TGS1: variants seen among roughly 807,000 people sequenced by gnomAD.
TGS1 encodes trimethylguanosine synthase.
In TGS1, 69 loss-of-function variants were observed where a neutral mutation model predicts 92.2. That is an observed-to-expected ratio of 0.75 (90% CI 0.62 to 0.91). The LOEUF (loss-of-function observed/expected upper bound fraction) is 0.91. TGS1 is among the 40% of genes least tolerant of loss of function. The pLI, the probability that TGS1 is intolerant of heterozygous loss-of-function variation, is 0.00. For synonymous variants in TGS1, 345 were observed against 338.1 expected (o/e 1.02, Z -0.22); for missense variants, 1,062 against 1,001.2 (o/e 1.06, Z -0.82).
chr8:55,799,991 C>T (rs1043838127), intron 8 of TGS1, among the ~76,000 whole-genome samples: 1 of 152,160 alleles, frequency 6.6e-6, no homozygotes, highest in African/African-American at 2.4e-5. Flanking sequence ...AATGAATAAA[C>T]TGAGTAACAT....
chr8:55,796,985 T>C (rs1470526930), intron 7 of TGS1, among the ~76,000 whole-genome samples: 3 of 151,002 alleles, frequency 2.0e-5, no homozygotes, highest in Admixed American at 2.0e-4. Context: ...AGTAAGACTG[T>C]CTCAAAAAAA....
chr8:55,799,110 G>A lies in TGS1; in HGVS notation c.1739G>A (p.Gly580Asp). Residue 580 changes from glycine (G) to aspartate (D), a missense_variant, in exon 8 of 13, where the codon GGT becomes GAT. Physicochemically the swap from Gly to Asp is moderately conservative, Grantham distance 94. Transcript: ENST00000260129. ...PEKCQSVSSA[G>D]ELETENYERD... Reference sequence around the variant, plus strand: ...AAGTGTCAGAGCGTATCTTCAGCTGGTGAACTTGAAACAGAAAACTATGAA... The same window carrying A: ...AAGTGTCAGAGCGTATCTTCAGCTGATGAACTTGAAACAGAAAACTATGAA... 1 of 1,614,144 alleles carries A rather than the reference G, an allele frequency of 6.2e-7. No individual in the cohort carries two copies. Among genetic ancestry groups the A allele is most frequent in the Non-Finnish European group, 8.5e-7 (1 of 1,180,022 alleles).
intron 12 of TGS1, among the ~76,000 whole-genome samples, chr8:55,822,366 G>A (rs7829716): frequency 0.066 from 10,044 of 151,954 alleles, 661 homozygotes; most frequent in African/African-American, 0.17. Context: ...CACAGCGCCC[G>A]GCCTAAAAAT....
At chr8:55,810,810 G>T in intron 10 of TGS1, 71 bp from the exon 11 acceptor site, 7 of 1,311,566 alleles carry the variant, frequency 5.3e-6, no homozygotes, top group South Asian at 4.9e-5. Context: ...CAGACTATTC[G>T]AAAGACAAAC....
chr8:55,817,268 C>T (rs1480442317), intron 12 of TGS1, among the ~76,000 whole-genome samples: 1 of 152,030 alleles, frequency 6.6e-6, no homozygotes, highest in Non-Finnish European at 1.5e-5. Flanking sequence ...ACAGTCACTT[C>T]TAATACTTTA....
intron 12 of TGS1, among the ~76,000 whole-genome samples, chr8:55,819,747 A>T (rs999613403): frequency 6.6e-6 from 1 of 152,206 alleles, no homozygotes; most frequent in East Asian, 1.9e-4. Flanking sequence ...AGTTTGAATG[A>T]TGCCTGATTT....
intron 9 of TGS1, among the ~76,000 whole-genome samples, chr8:55,803,960 A>G (rs957589717): frequency 1.3e-5 from 2 of 152,122 alleles, no homozygotes; most frequent in Non-Finnish European, 2.9e-5. Flanking sequence ...TTTTGTTCAG[A>G]TAATTGTCTT....
chr8:55,796,622 A>T (rs1812058888), intron 7 of TGS1, among the ~76,000 whole-genome samples: 1 of 151,986 alleles, frequency 6.6e-6, no homozygotes, highest in Admixed American at 6.6e-5. Flanking sequence ...CGGGAGGCGA[A>T]GGTTGCAGTG....
At chr8:55,815,955 A>AT in intron 12 of TGS1, among the ~76,000 whole-genome samples, 1 of 150,294 alleles carries the variant, frequency 6.7e-6, no homozygotes, top group East Asian at 1.9e-4. Context: ...TATTTTATTT[A>AT]TTTATTTATG....
intron 1 of TGS1, among the ~76,000 whole-genome samples, chr8:55,779,650 C>T (rs1290473802): frequency 2.0e-5 from 3 of 151,762 alleles, no homozygotes; most frequent in Admixed American, 2.0e-4. Flanking sequence ...TTTAGGAAGC[C>T]CTCCTTCTAA....
In TGS1 at chr8:55,802,471, A is replaced by C. The variant is rs1812244771; in HGVS notation, c.1864A>C (p.Lys622Gln). The C allele has an allele frequency of 1.9e-6, 3 of 1,613,354 alleles. No homozygotes were observed. The African/African-American group carries it at 4.0e-5, about 22-fold the overall frequency. The change falls in exon 9 of 13, where the codon AAG (lysine) becomes CAG (glutamine). Residue 622 changes from lysine (K) to glutamine (Q), a missense_variant. Lys to Gln is a moderately conservative substitution (Grantham distance 53). Coordinates refer to ENST00000260129, the MANE Select transcript of TGS1 (RefSeq NM_024831.8). ...TTTTATTTTAGCTGAAGTGAAAAAG[A>C]AGAAGAACAAGAAGAAGAACAAAAA... ...QAETEAEVKK[K>Q]KNKKKNKKVN... is the part of the protein sequence containing the mutation.
intron 12 of TGS1, among the ~76,000 whole-genome samples, chr8:55,819,100 C>T (rs549755847): frequency 6.6e-6 from 1 of 152,070 alleles, no homozygotes; most frequent in Non-Finnish European, 1.5e-5. Context: ...GGCCACCATG[C>T]CTGGCTAATT....
At chr8:55,787,156 A>G in intron 4 of TGS1, 96 bp downstream of exon 4, 1 of 785,782 alleles carries the variant, frequency 1.3e-6, no homozygotes, top group Non-Finnish European at 2.0e-6. Flanking sequence ...GAGTTAAATA[A>G]TACCAAGTAC....
intron 12 of TGS1, among the ~76,000 whole-genome samples, chr8:55,822,185 T>C (rs1305592377): frequency 6.6e-6 from 1 of 151,706 alleles, no homozygotes; most frequent in Non-Finnish European, 1.5e-5. Context: ...TTCTCCTGCC[T>C]CAGCCTCCCG....
intron 10 of TGS1, among the ~76,000 whole-genome samples, chr8:55,807,170 C>T (rs942573550): frequency 2.6e-5 from 4 of 152,040 alleles, no homozygotes; most frequent in Non-Finnish European, 2.9e-5. Flanking sequence ...CCTCATGATC[C>T]TCCCGCCTCA....
chr8:55,822,808 G>A (rs900747322), intron 12 of TGS1, among the ~76,000 whole-genome samples: 7 of 151,896 alleles, frequency 4.6e-5, no homozygotes, highest in Non-Finnish European at 8.8e-5. Context: ...CCCTATTTCT[G>A]TGTCTGACTT....
chr8:55,787,965 G>T (rs934057561), intron 4 of TGS1, among the ~76,000 whole-genome samples: 4 of 152,180 alleles, frequency 2.6e-5, no homozygotes, highest in Admixed American at 2.6e-4. Flanking sequence ...CCATGGGGAG[G>T]CACCAAGCCA....
intron 4 of TGS1, among the ~76,000 whole-genome samples, chr8:55,788,965 T>G (rs576657162): frequency 2.6e-5 from 4 of 152,330 alleles, no homozygotes; most frequent in African/African-American, 9.6e-5. Context: ...AGTCTCACAG[T>G]CTCTGCCTTC....
At chr8:55,817,510 C>T (rs1243224909) in intron 12 of TGS1, among the ~76,000 whole-genome samples, 1 of 151,990 alleles carries the variant, frequency 6.6e-6, no homozygotes, top group Admixed American at 6.6e-5. Flanking sequence ...TGGCTAAATA[C>T]AATAAAAATT....
Sources: allele counts gnomAD v4.1 joint callset (sites outside exome capture counted in the v4.1 genomes callset), GRCh38; gene constraint gnomAD v4.1.1; transcripts MANE v1.5; gene names NCBI Gene and HGNC (gene_info 2026-07-23, HGNC 2026-07-21).